Variants in TK2 observed in about 807,000 individuals in gnomAD.
TK2 encodes the protein thymidine kinase 2.
Under a neutral mutation model 41.9 loss-of-function variants are expected in TK2, and 35 were observed. The ratio of observed to expected loss-of-function variants is 0.84; its 90% CI spans 0.64 to 1.11. The LOEUF (loss-of-function observed/expected upper bound fraction) is 1.11. Ranked by LOEUF, TK2 falls within the 50% of genes least tolerant of loss-of-function variation. TK2 has a pLI of 0.00. For missense variants in TK2, 320 were observed against 351.1 expected, an observed-to-expected ratio of 0.91 and a Z score of 0.71; for synonymous variants, 128 against 129.1, an observed-to-expected ratio of 0.99 and a Z score of 0.06.
chr16:66,547,829 G>A (rs996950717), intron 2 of TK2: 3 of 1,160,524 alleles, frequency 2.6e-6, no homozygotes, highest in Non-Finnish European at 3.3e-6. Flanking sequence ...GAGCCTGAAT[G>A]CAGGCTCCAT....
Position 66,529,044 on chromosome 16 carries a change from C to T in TK2, c.399G>A (p.Glu133=), listed in dbSNP as rs759619494. ...RPQVSSVRLM[E]RSIHSARYIF... Reference sequence around the variant, plus strand: ...TGTATCTTGCGCTGTGAATCGACCTCTCCATCAACCGTACAGATGACACCT... The same window carrying T: ...TGTATCTTGCGCTGTGAATCGACCTTTCCATCAACCGTACAGATGACACCT... Residue 133 remains glutamate (E), a synonymous_variant, in exon 6 of 10, where the codon GAG becomes GAA. Coordinates refer to ENST00000544898, the MANE Select transcript of TK2 (RefSeq NM_004614.5). 2.5e-6 allele frequency: 4 copies of T among 1,614,002 alleles called. No homozygotes were observed. The African/African-American group carries it at 5.3e-5, about 22-fold the overall frequency.
chr16:66,525,740 TG>T (rs2144387168), intron 6 of TK2, among the ~76,000 whole-genome samples: 1 of 152,308 alleles, frequency 6.6e-6, no homozygotes, highest in African/African-American at 2.4e-5. Flanking sequence ...CAGGGGAATC[TG>T]AGCCCCCCGA....
intron 1 of TK2, chr16:66,549,334 C>T (rs1046355638): frequency 2.6e-6 from 3 of 1,161,708 alleles, no homozygotes; most frequent in Non-Finnish European, 2.1e-6. Context: ...AGCCTCCACT[C>T]GCGGTGCACG....
At chr16:66,528,815 G>A (rs1414520994) in intron 6 of TK2, among the ~76,000 whole-genome samples, 179 bp downstream of exon 6, 7 of 152,212 alleles carry the variant, frequency 4.6e-5, no homozygotes, top group Non-Finnish European at 1.0e-4. Context: ...ACTGGGCAAT[G>A]AATGCAGATA....
At chr16:66,531,338 G>A (rs759601038) in intron 5 of TK2, 42 bp downstream of exon 5, 2 of 1,598,098 alleles carry the variant, frequency 1.3e-6, no homozygotes, top group Non-Finnish European at 1.7e-6. Flanking sequence ...CAAGTCTGAA[G>A]AAAACGTTTA....
intron 6 of TK2, among the ~76,000 whole-genome samples, chr16:66,519,866 C>A (rs1005380154): frequency 6.6e-6 from 1 of 152,044 alleles, no homozygotes; most frequent in African/African-American, 2.4e-5. Context: ...TCCAGTCCCA[C>A]GAGGGGATGA....
In TK2 at chr16:66,517,351, C is replaced by A; in HGVS notation, c.539-136G>T. The A allele has an allele frequency of 1.2e-6, 1 of 802,618 alleles. No homozygotes were observed. The highest frequency in any genetic ancestry group is 1.3e-5 in the South Asian group (1 of 74,264). 49.7% of individuals were successfully genotyped at this position (802,618 alleles called of 1,614,324 possible). A position where few individuals can be genotyped will look rare whatever the true frequency, so the allele number is the denominator to read the frequency against. ...GGAGGGCCAGCTCTTGGCTTGACCA[C>A]TGACCCTCCGCCTCGACTTTCATTC... On this transcript the variant is annotated intron_variant, in intron 7 of 9. Transcript: ENST00000544898. This position sits in a 1 kb window ranked among gnomAD's most constrained non-coding sequence, Gnocchi z 4.3.
At chr16:66,519,600 T>C (rs1964720120) in intron 6 of TK2, among the ~76,000 whole-genome samples, 1 of 152,226 alleles carries the variant, frequency 6.6e-6, no homozygotes, top group African/African-American at 2.4e-5. Context: ...GTGGGTTTCC[T>C]GTGCCCTGGG....
At position 66,536,956 on chromosome 16, in the gene TK2, C is replaced by G. The variant is rs776513627; in HGVS notation, c.285+8G>C. ...GCCGGGGGTTCATGCAACCAACAAC[C>G]CACTCACCAGAGGATTGTGGCCACG... On this transcript the variant is annotated splice_region_variant and intron_variant, in intron 4 of 9. Transcript: ENST00000544898. 3 of 1,614,052 alleles carry G rather than the reference C, an allele frequency of 1.9e-6. No homozygotes were observed. In the Admixed American group the frequency reaches 5.0e-5, roughly 27 times the overall value.
intron 6 of TK2, among the ~76,000 whole-genome samples, chr16:66,523,810 G>C (rs1964851600): frequency 6.6e-6 from 1 of 152,124 alleles, no homozygotes; most frequent in African/African-American, 2.4e-5. Flanking sequence ...CTGAGCAACA[G>C]AGCAAGATTC....
At chr16:66,548,919 C>A in intron 2 of TK2, 59 bp downstream of exon 2, 1 of 1,498,116 alleles carries the variant, frequency 6.7e-7, no homozygotes, top group East Asian at 2.3e-5. Flanking sequence ...CTGCTTTTTT[C>A]TCTCTCCTCT....
rs544783515 is a variant in TK2, at chr16:66,515,719, C to T, written c.618+1417G>A. Among the ~76,000 whole-genome samples the T allele has an allele frequency of 5.0e-4, 76 of 152,324 alleles. No homozygotes were observed. The South Asian group carries it at 0.014, about 29-fold the overall frequency. ...TGGGTCACTGCACAGAGCTGCTGTG[C>T]GCATCACAGCATGGTCCAGCCTGGC... On this transcript the variant is annotated intron_variant, in intron 8 of 9. Transcript: ENST00000544898.
At chr16:66,546,688 T>C (rs1965618204) in intron 2 of TK2, 1 of 152,190 alleles carries the variant, frequency 6.6e-6, no homozygotes, top group South Asian at 2.1e-4. Context: ...AAACATGGTT[T>C]TTAATGGCTT....
rs540037010 is a variant in TK2 at position 66,547,902 on chromosome 16, C to T, written c.156+1076G>A. ...CACATCAAACCACACCCAAAAAGCA[C>T]AAAGAACAGGCCCAGCTCACATCAA... On this transcript the variant is annotated intron_variant, in intron 2 of 9. Transcript: ENST00000544898. 8.6e-4 allele frequency: 1,086 copies of T among 1,266,436 alleles called. 11 individuals are homozygous for T. In the South Asian group the frequency reaches 0.013, roughly 15 times the overall value. The allele number at this position is 1,266,436 out of a possible 1,614,324, so 78.4% of individuals were successfully genotyped here.
chr16:66,539,206 C>G (rs911042140), intron 3 of TK2, among the ~76,000 whole-genome samples: 2 of 152,148 alleles, frequency 1.3e-5, no homozygotes, highest in African/African-American at 2.4e-5. Flanking sequence ...CCAAGCCCCC[C>G]CTCCTCCCCA....
chr16:66,513,608 CCTT>C, intron 9 of TK2, 120 bp downstream of exon 9: 1 of 888,966 alleles, frequency 1.1e-6, no homozygotes, highest in Non-Finnish European at 1.8e-6. Flanking sequence ...TTCCCACCTT[CCTT>C]CTTCTAAGTT....
intron 6 of TK2, among the ~76,000 whole-genome samples, chr16:66,522,318 C>T (rs1053360175): frequency 6.6e-6 from 1 of 152,190 alleles, no homozygotes; most frequent in Non-Finnish European, 1.5e-5. Flanking sequence ...GGAGGCCCAG[C>T]CTGTGGTTCC....
intron 2 of TK2, chr16:66,548,601 G>C (rs376292433): frequency 8.5e-5 from 22 of 260,302 alleles, no homozygotes; most frequent in Middle Eastern, 1.5e-3. Context: ...CTCAACACTG[G>C]GGGGAGAGGG....
rs1310200982 is a variant in TK2, at chr16:66,514,464, C to G, written c.619-653G>C. Among the ~76,000 whole-genome samples, 1 of 152,206 alleles carries G rather than the reference C, an allele frequency of 6.6e-6. No individual in the cohort carries two copies. Among genetic ancestry groups the G allele is most frequent in the Non-Finnish European group, 1.5e-5 (1 of 68,036 alleles). Reference sequence around the variant, plus strand: ...GGAGTGCAGTGGCGTGATCTCGGCTCGCTACAACCTCCACCTCCCAGCCGC... The same window carrying G: ...GGAGTGCAGTGGCGTGATCTCGGCTGGCTACAACCTCCACCTCCCAGCCGC... On this transcript the variant is annotated intron_variant, in intron 8 of 9. Coordinates refer to ENST00000544898, the MANE Select transcript of TK2 (RefSeq NM_004614.5). This position sits in a 1 kb window ranked among gnomAD's most constrained non-coding sequence, Gnocchi z 4.2.
Sources: gnomAD v4.1 joint callset for allele counts (sites outside exome capture counted in the v4.1 genomes callset) on GRCh38, gnomAD v4.1.1 for gene constraint, Gnocchi (gnomAD v3.1) non-coding constraint, MANE v1.5 for transcripts, NCBI Gene and HGNC (gene_info 2026-07-23, HGNC 2026-07-21) for gene names.